The following PREPL variants were observed in gnomAD, a reference collection of about 807,000 sequenced individuals.
PREPL encodes the protein prolyl endopeptidase-like.
In PREPL, 77 loss-of-function variants were observed where a neutral mutation model predicts 70.6. The observed-to-expected ratio is 1.09, with a 90% confidence interval of 0.91 to 1.32. PREPL has a LOEUF of 1.32. Among genes scored for constraint, PREPL ranks in the 40% most tolerant of loss-of-function variants. The pLI is 0.00. For missense variants in PREPL, 1,002 were observed against 778.2 expected, an observed-to-expected ratio of 1.29 and a Z score of -3.42; for synonymous variants, 315 against 264.8, an observed-to-expected ratio of 1.19 and a Z score of -1.84.
At chr2:44,339,004 A>G in intron 6 of PREPL, 143 bp downstream of exon 6, 1 of 1,333,614 alleles carries the variant, frequency 7.5e-7, no homozygotes, top group Non-Finnish European at 1.0e-6. Context: ...CATTAGCTCT[A>G]AGGGAAAAGA....
chr2:44,359,410 G>A (rs553399710), intron 1 of PREPL: 13 of 1,017,986 alleles, frequency 1.3e-5, no homozygotes, highest in East Asian at 5.0e-5. Context: ...GAGAAAATTA[G>A]TAGCTCTGAT....
At position 44,320,973 on chromosome 2, in the gene PREPL, AGAG is replaced by A. The variant is rs1672890264; in HGVS notation, c.*380_*382del. 2 of 400,954 alleles carry A rather than the reference AGAG, an allele frequency of 5.0e-6. No individual in the cohort carries two copies. The highest frequency in any genetic ancestry group is 5.5e-5 in the East Asian group (1 of 18,156). The allele number at this position is 400,954 out of a possible 1,614,324, so 24.8% of individuals were successfully genotyped here. On this transcript the variant is annotated 3_prime_UTR_variant, in exon 14 of 14. Transcript: ENST00000409411. Reference sequence around the variant, plus strand: ...CCCTTAAAATGCAGTCATAGAAATTAGAGGATGACTCACTGCCACAGTGTCTAA... The same window carrying A: ...CCCTTAAAATGCAGTCATAGAAATTAGATGACTCACTGCCACAGTGTCTAA...
chr2:44,340,413 A>G (rs1675087603), intron 5 of PREPL, among the ~76,000 whole-genome samples: 1 of 152,136 alleles, frequency 6.6e-6, no homozygotes, highest in Non-Finnish European at 1.5e-5. Flanking sequence ...TTATATTTAT[A>G]TTTTTCCTTA....
At chr2:44,329,724 AG>A (rs1204707914) in intron 8 of PREPL, among the ~76,000 whole-genome samples, 6 of 152,206 alleles carry the variant, frequency 3.9e-5, no homozygotes, top group Non-Finnish European at 8.8e-5. Flanking sequence ...GTAGGGTTAA[AG>A]TAAGTTAAAT....
At chr2:44,359,301 C>T (rs1208380414) in intron 1 of PREPL, among the ~76,000 whole-genome samples, 2 of 152,024 alleles carry the variant, frequency 1.3e-5, no homozygotes, top group African/African-American at 4.8e-5. Context: ...CTCCTGACCT[C>T]AGGTGATCTG....
At position 44,319,158 on chromosome 2, in the gene PREPL, A is replaced by G. The variant is rs1024977665; in HGVS notation, c.*2198T>C. On this transcript the variant is annotated 3_prime_UTR_variant, in exon 14 of 14. Transcript: ENST00000409411. ...TAAACATCTTTTTAAACACCATTAG[A>G]TAATTATTTAAAGACCACATATTGG... 6.5e-6 allele frequency: 1 copy of G among 152,674 alleles called. No homozygotes were observed. Among genetic ancestry groups the G allele is most frequent in the Non-Finnish European group, 1.5e-5 (1 of 68,036 alleles). 9.5% of individuals were successfully genotyped at this position (152,674 alleles called of 1,614,324 possible). A position where few individuals can be genotyped will look rare whatever the true frequency, so the allele number is the denominator to read the frequency against.
At position 44,332,418 on chromosome 2, in the gene PREPL, T is replaced by A. The variant is rs371526017; in HGVS notation, c.1086+41A>T. 254 of 1,535,242 alleles carry A rather than the reference T, an allele frequency of 1.7e-4. 2 individuals are homozygous for A. Among genetic ancestry groups the A allele is most frequent in the Admixed American group, 7.1e-4 (42 of 58,926 alleles). On this transcript the variant is annotated intron_variant, in intron 8 of 13. Transcript: ENST00000409411. ...CATGGCATCTGGCAAACGGTATGCT[T>A]TCAGTAAATGGGAGCTGAAAGTGAA... is the stretch of plus-strand genomic sequence containing the variant.
chr2:44,322,785 A>G lies in PREPL; in HGVS notation c.1699T>C (p.Tyr567His), dbSNP rs1673108258. 1 of 1,613,808 alleles carries G rather than the reference A, an allele frequency of 6.2e-7. No homozygotes were observed. Among genetic ancestry groups the G allele is most frequent in the South Asian group, 1.1e-5 (1 of 91,086 alleles). ...ATGGCTTCCTTGAGTTTCTCAGTAT[A>G]ACTTACAATTCCTTTCAGAGGTACC... ...ERVPLKGIVSYTEKLKEAIAE... is the reference protein window; with the variant it reads ...ERVPLKGIVSHTEKLKEAIAE... The change falls in exon 12 of 14, where the codon TAT becomes CAT. Residue 567 changes from tyrosine (Y) to histidine (H), a missense_variant. By Grantham distance (83) the Tyr-to-His change is moderately conservative. Transcript: ENST00000409411.
intron 7 of PREPL, among the ~76,000 whole-genome samples, chr2:44,335,828 T>A (rs1294615813): frequency 6.6e-6 from 1 of 150,776 alleles, no homozygotes; most frequent in African/African-American, 2.4e-5. Flanking sequence ...TATAAGGAAC[T>A]TATATTAACA....
At chr2:44,350,635 C>A (rs780000229) in intron 1 of PREPL, among the ~76,000 whole-genome samples, 7 of 152,102 alleles carry the variant, frequency 4.6e-5, no homozygotes, top group Non-Finnish European at 8.8e-5. Flanking sequence ...TTAAAAGCAA[C>A]TGTTAAATGA....
chr2:44,318,566 C>G lies in PREPL; in HGVS notation c.*2790G>C, dbSNP rs72802999. 0.031 allele frequency: 4,665 copies of G among 152,110 alleles called. 103 individuals are homozygous for G. Among genetic ancestry groups the G allele is most frequent in the Non-Finnish European group, 0.04 (2,740 of 68,230 alleles). 9.4% of individuals were successfully genotyped at this position (152,110 alleles called of 1,614,324 possible). ...AATAAAGTATAGAATGGTAACATAT[C>G]ACCAACTGTGTAAAGAAAAATATAT... On this transcript the variant is annotated 3_prime_UTR_variant, in exon 14 of 14. Transcript: ENST00000409411.
chr2:44,344,550 A>C lies in PREPL; in HGVS notation c.112T>G (p.Cys38Gly). The C allele has an allele frequency of 6.2e-7, 1 of 1,604,586 alleles. No individual in the cohort carries two copies. Among genetic ancestry groups the C allele is most frequent in the Non-Finnish European group, 8.5e-7 (1 of 1,175,890 alleles). The change falls in exon 3 of 14, where the codon TGT (cysteine) becomes GGT (glycine). Residue 38 changes from cysteine (C) to glycine (G), a missense_variant. Transcript: ENST00000409411. ...TCATCTTTGGAACGAACCAAGCAAC[A>C]ACCTTCTTGGTAATAAACAAAACCA... ...HGGFVYYQEG[C>G]CLVRSKDEEA...
Position 44,328,984 on chromosome 2 carries a change from C to A in PREPL, c.1215G>T (p.Arg405Ser), listed in dbSNP as rs1673816159. 1 of 1,614,094 alleles carries A rather than the reference C, an allele frequency of 6.2e-7. No individual in the cohort carries two copies. The highest frequency in any genetic ancestry group is 2.2e-5 in the East Asian group (1 of 44,880). ...TCCATCCATCATCCACCAGGACCCG[C>A]CTCTCAGGCCTGAAATTCATTTTCA... ...MDLKMNFRPE[R>S]RVLVDDGWIL... Residue 405 changes from arginine to serine, a missense_variant, in exon 9 of 14, where the codon AGG (arginine) becomes AGT (serine). By Grantham distance (110) the Arg-to-Ser change is moderately radical. Coordinates refer to ENST00000409411, the MANE Select transcript of PREPL (RefSeq NM_001171613.2).
rs2103969128 is a variant in PREPL, at chr2:44,342,512, G to A, written c.390C>T (p.Tyr130=). 1 of 1,610,892 alleles carries A rather than the reference G, an allele frequency of 6.2e-7. No homozygotes were observed. Among genetic ancestry groups the A allele is most frequent in the South Asian group, 1.1e-5 (1 of 90,966 alleles). Residue 130 remains tyrosine, a synonymous_variant, in exon 5 of 14, where the codon TAC becomes TAT. Coordinates refer to ENST00000409411, the MANE Select transcript of PREPL (RefSeq NM_001171613.2). The part of the protein sequence containing the change: ...KDEEDEDVLF[Y]TFQRNLRCHD... ...GACAGCGAAGGTTCCTCTGGAAGGT[G>A]TAGAATAAAACATCTTCATCTTCCT...
chr2:44,323,459 G>A (rs768816987), intron 10 of PREPL, 48 bp from the exon 11 acceptor site: 7 of 1,443,592 alleles, frequency 4.8e-6, no homozygotes, highest in Non-Finnish European at 6.6e-6. Flanking sequence ...AGGTTGGTAA[G>A]TGAGTTTCAG....
chr2:44,346,477 G>T, intron 1 of PREPL, 87 bp from the exon 2 acceptor site: 2 of 1,226,656 alleles, frequency 1.6e-6, no homozygotes, highest in Non-Finnish European at 1.2e-6. Flanking sequence ...CTATACCGTA[G>T]ACTTAACGTT....
At chr2:44,358,116 G>A (rs996694270) in intron 1 of PREPL, among the ~76,000 whole-genome samples, 11 of 152,258 alleles carry the variant, frequency 7.2e-5, no homozygotes, top group Non-Finnish European at 1.6e-4. Context: ...AAATTAGATT[G>A]AAAAGATAGT....
chr2:44,350,026 C>G (rs1162403709), intron 1 of PREPL, among the ~76,000 whole-genome samples: 2 of 151,926 alleles, frequency 1.3e-5, no homozygotes, highest in Non-Finnish European at 2.9e-5. Flanking sequence ...CTTCAAGAAA[C>G]AGCTAATCTT....
chr2:44,320,107 T>C lies in PREPL; in HGVS notation c.*1249A>G. ...TAAGGGGCAAAATTGGAGCAAGTGT[T>C]TTGGGTAAATAACTCCTTACAATAT... is the stretch of plus-strand genomic sequence containing the variant. On this transcript the variant is annotated 3_prime_UTR_variant, in exon 14 of 14. Transcript: ENST00000409411. The C allele has an allele frequency of 8.6e-7, 1 of 1,156,794 alleles. No individual in the cohort carries two copies. Among genetic ancestry groups the C allele is most frequent in the South Asian group, 1.4e-5 (1 of 69,764 alleles). The allele number at this position is 1,156,794 out of a possible 1,614,324, so 71.7% of individuals were successfully genotyped here.
Sources: gnomAD v4.1 joint callset for allele counts (sites outside exome capture counted in the v4.1 genomes callset) on GRCh38, gnomAD v4.1.1 for gene constraint, MANE v1.5 for transcripts, NCBI Gene and HGNC (gene_info 2026-07-23, HGNC 2026-07-21) for gene names.